GDPD5: variants seen among roughly 807,000 people sequenced by gnomAD.
GDPD5 encodes the protein glycerophosphodiester phosphodiesterase domain containing 5.
Under a neutral mutation model 75.1 loss-of-function variants are expected in GDPD5, and 48 were observed. The ratio of observed to expected loss-of-function variants is 0.64; its 90% CI spans 0.51 to 0.81. The LOEUF is 0.81. Among genes scored for constraint, GDPD5 ranks in the 40% least tolerant of loss-of-function variants. The pLI is 0.00. For synonymous variants in GDPD5, 336 were observed against 339.0 expected (o/e 0.99, Z 0.10); for missense variants, 706 against 822.6 (o/e 0.86, Z 1.73).
Position 75,525,835 on chromosome 11 carries a change from C to T in GDPD5, c.-770G>A, listed in dbSNP as rs1941646017. The T allele has an allele frequency of 6.6e-6, 1 of 151,444 alleles. No individual in the cohort carries two copies. Among genetic ancestry groups the T allele is most frequent in the Non-Finnish European group, 1.5e-5 (1 of 67,818 alleles). 9.4% of individuals were successfully genotyped at this position (151,444 alleles called of 1,614,324 possible). ...CGAGCTCCCGGCCGCGGCTCCACTT[C>T]CTCCTCTTCCCCTGCTCCCTCGCCG... is the stretch of plus-strand genomic sequence containing the variant. On this transcript the variant is annotated 5_prime_UTR_variant, in exon 1 of 17. Coordinates refer to ENST00000336898, the MANE Select transcript of GDPD5 (RefSeq NM_030792.8).
chr11:75,514,455 C>A (rs766507121), intron 1 of GDPD5, among the ~76,000 whole-genome samples: 5 of 152,262 alleles, frequency 3.3e-5, no homozygotes, highest in Non-Finnish European at 7.3e-5. Context: ...AGGACCCAGG[C>A]CTTTAGGCCC....
chr11:75,505,825 T>C (rs552526903), intron 1 of GDPD5, among the ~76,000 whole-genome samples: 1 of 152,302 alleles, frequency 6.6e-6, no homozygotes, highest in East Asian at 1.9e-4. Flanking sequence ...TCCTATTCCA[T>C]GCTGCCAAAA....
intron 2 of GDPD5, among the ~76,000 whole-genome samples, chr11:75,481,629 T>G (rs1164311429): frequency 6.6e-6 from 1 of 151,834 alleles, no homozygotes; most frequent in Non-Finnish European, 1.5e-5. Context: ...ATTTGGGGAG[T>G]GCTGCGTGCC....
intron 5 of GDPD5, 138 bp downstream of exon 5, chr11:75,457,555 A>C: frequency 1.3e-5 from 8 of 600,090 alleles, no homozygotes; most frequent in Non-Finnish European, 2.1e-5. Context: ...CTTAGGATAC[A>C]TTCCTACAAA....
At chr11:75,472,962 T>C (rs1404476426) in intron 3 of GDPD5, among the ~76,000 whole-genome samples, 1 of 151,358 alleles carries the variant, frequency 6.6e-6, no homozygotes, top group African/African-American at 2.4e-5. Context: ...GTTGGGGGCA[T>C]GGAGGGGGAT....
At chr11:75,444,345 A>C in intron 10 of GDPD5, 68 bp downstream of exon 10, 1 of 1,167,834 alleles carries the variant, frequency 8.6e-7, no homozygotes, top group Non-Finnish European at 1.3e-6. Flanking sequence ...TTCCCCCAGC[A>C]GAGACCCAGG....
chr11:75,477,524 C>T (rs1790149), intron 3 of GDPD5, 95 bp downstream of exon 3: 421,614 of 669,900 alleles, frequency 0.63, 135,178 homozygotes, highest in East Asian at 0.78. Flanking sequence ...CTGTCCAGAG[C>T]GAGTCAGCAG....
At chr11:75,456,842 G>A (rs765378799) in intron 5 of GDPD5, 26 bp from the exon 6 acceptor site, 2 of 1,611,736 alleles carry the variant, frequency 1.2e-6, no homozygotes, top group South Asian at 1.1e-5. Flanking sequence ...CAGGGTGATT[G>A]TCAGGCCCGT....
intron 9 of GDPD5, 97 bp downstream of exon 9, chr11:75,448,880 A>T (rs563197402): frequency 1.4e-6 from 2 of 1,380,138 alleles, no homozygotes; most frequent in Admixed American, 2.9e-5. Context: ...AAAAGCTACA[A>T]ATGGTTGCTA....
rs183019456 is a variant in GDPD5, at chr11:75,499,679, G to A, written c.-144-9359C>T. 3.9e-5 allele frequency among the ~76,000 whole-genome samples: 6 copies of A among 152,262 alleles called. No individual in the cohort carries two copies. In the South Asian group the frequency reaches 6.2e-4, roughly 16 times the overall value. ...AGTTCACCAGAAGGGAACACACAGC[G>A]GGAAAGACTTAGGCTAGACCCAAAG... On this transcript the variant is annotated intron_variant, in intron 1 of 16. Coordinates refer to ENST00000336898, the MANE Select transcript of GDPD5 (RefSeq NM_030792.8).
At position 75,449,523 on chromosome 11, in the gene GDPD5, G is replaced by C. The variant is rs777970581; in HGVS notation, c.562C>G (p.Arg188Gly). ...IVAGQFARAE[R>G]TSSQVTILCT... ...CCTTCACAGTTCTACTCACAGGTCC[G>C]CTCTGCGCGGGCGAACTGTCCTGCC... The change falls in exon 8 of 17, where the codon CGG becomes GGG. Residue 188 changes from arginine to glycine, a missense_variant. Coordinates refer to ENST00000336898, the MANE Select transcript of GDPD5 (RefSeq NM_030792.8). 6 of 1,571,822 alleles carry C rather than the reference G, an allele frequency of 3.8e-6. No individual in the cohort carries two copies. In the Admixed American group the frequency reaches 7.5e-5, roughly 20 times the overall value.
intron 9 of GDPD5, among the ~76,000 whole-genome samples, chr11:75,447,709 G>T (rs958298207): frequency 6.6e-6 from 1 of 152,148 alleles, no homozygotes; most frequent in Non-Finnish European, 1.5e-5. Context: ...CCCAGGAGAT[G>T]GTAATCTGAG....
intron 1 of GDPD5, among the ~76,000 whole-genome samples, chr11:75,520,238 C>T (rs1221206109): frequency 6.6e-6 from 1 of 152,258 alleles, no homozygotes; most frequent in Non-Finnish European, 1.5e-5. Context: ...TGCTCGTTCA[C>T]GAAGCCATCG....
intron 10 of GDPD5, 97 bp from the exon 11 acceptor site, chr11:75,443,383 A>T: frequency 7.1e-7 from 1 of 1,402,504 alleles, no homozygotes; most frequent in Non-Finnish European, 9.7e-7. Context: ...CACCCAGCAC[A>T]GGATCCCGGC....
At position 75,525,447 on chromosome 11, in the gene GDPD5, G is replaced by C. The variant is rs952132701; in HGVS notation, c.-382C>G. On this transcript the variant is annotated 5_prime_UTR_variant, in exon 1 of 17. Coordinates refer to ENST00000336898, the MANE Select transcript of GDPD5 (RefSeq NM_030792.8). The stretch of plus-strand genomic sequence containing the variant: ...CAAGCTGTTCCAACTGAAGGTTGGG[G>C]TCTCGTGAAGCCAGAGGCTGGGGGG... The C allele has an allele frequency of 3.3e-5, 5 of 152,442 alleles. No homozygotes were observed. The highest frequency in any genetic ancestry group is 5.9e-5 in the Non-Finnish European group (4 of 68,224). 9.4% of individuals were successfully genotyped at this position (152,442 alleles called of 1,614,324 possible).
chr11:75,448,734 C>A, intron 9 of GDPD5: 1 of 1,213,648 alleles, frequency 8.2e-7, no homozygotes, highest in Non-Finnish European at 1.0e-6. Flanking sequence ...GGGCCTAAAA[C>A]CCTCCTGCAT....
Position 75,442,539 on chromosome 11 carries a change from G to C in GDPD5, c.991C>G (p.His331Asp). 6.2e-7 allele frequency: 1 copy of C among 1,614,206 alleles called. No individual in the cohort carries two copies. The highest frequency in any genetic ancestry group is 8.5e-7 in the Non-Finnish European group (1 of 1,180,044). Reference sequence around the variant, plus strand: ...ATGGACTGGTTCTGGGCCTCTCTGTGGTCGGAGGGTGACAGGGAGCTGGCT... The same window carrying C: ...ATGGACTGGTTCTGGGCCTCTCTGTCGTCGGAGGGTGACAGGGAGCTGGCT... Reference protein sequence around the residue: ...WTASSLSPSDHREAQNQSICS... With the variant: ...WTASSLSPSDDREAQNQSICS... The change falls in exon 12 of 17, where the codon CAC becomes GAC. Residue 331 changes from histidine to aspartate, a missense_variant. His to Asp is a moderately conservative substitution (Grantham distance 81, BLOSUM62 -1). Transcript: ENST00000336898.
intron 1 of GDPD5, among the ~76,000 whole-genome samples, chr11:75,500,946 G>A (rs531566821): frequency 2.0e-5 from 3 of 152,262 alleles, no homozygotes; most frequent in Admixed American, 6.5e-5. Context: ...AGCAGGCCTG[G>A]GCATGCCTTC....
intron 6 of GDPD5, 116 bp downstream of exon 6, chr11:75,456,641 T>G: frequency 1.2e-4 from 115 of 966,804 alleles, no homozygotes; most frequent in Non-Finnish European, 1.7e-4. Flanking sequence ...GCCTTAGCTA[T>G]GAGAACAATT....
Sources: allele counts gnomAD v4.1 joint callset (sites outside exome capture counted in the v4.1 genomes callset), GRCh38; gene constraint gnomAD v4.1.1; transcripts MANE v1.5; gene names NCBI Gene and HGNC (gene_info 2026-07-23, HGNC 2026-07-21).